The following VPS26C variants were observed in gnomAD, a reference collection of about 807,000 sequenced individuals.
The protein encoded by VPS26C is VPS26 endosomal protein sorting factor C, also known as vacuolar protein sorting-associated protein 26C.
A neutral mutation model predicts 30.6 loss-of-function variants in VPS26C; 19 were observed. The ratio of observed to expected loss-of-function variants is 0.62; its 90% CI spans 0.43 to 0.91. The LOEUF (loss-of-function observed/expected upper bound fraction) is 0.91. Ranked by LOEUF, VPS26C falls within the 40% of genes least tolerant of loss-of-function variation. The pLI is 0.00. For synonymous variants in VPS26C, 132 were observed against 151.5 expected (o/e 0.87, Z 0.95); for missense variants, 318 against 385.1 (o/e 0.83, Z 1.46).
Position 37,224,999 on chromosome 21 carries a change from ATAGAG to A in VPS26C, c.*540_*544del, listed in dbSNP as rs2085884353. On this transcript the variant is annotated 3_prime_UTR_variant, in exon 8 of 8. Transcript: ENST00000309117. ...AGAAACAAAACCAAAAAACTACAGA[ATAGAG>A]TAGGGGTGGAGGGAAGTCATGCATT... is the stretch of plus-strand genomic sequence containing the variant. The A allele has an allele frequency of 6.5e-6, 1 of 154,182 alleles. No individual in the cohort carries two copies. Among genetic ancestry groups the A allele is most frequent in the African/African-American group, 2.4e-5 (1 of 41,458 alleles). The allele number at this position is 154,182 out of a possible 1,614,324, so 9.6% of individuals were successfully genotyped here.
At chr21:37,251,903 AG>A (rs1467153990) in intron 1 of VPS26C, among the ~76,000 whole-genome samples, 3 of 152,338 alleles carry the variant, frequency 2.0e-5, no homozygotes, top group South Asian at 2.1e-4. Context: ...CACAACTGCT[AG>A]AAAAGTAAAA....
chr21:37,242,263 A>G (rs996935830), intron 1 of VPS26C, among the ~76,000 whole-genome samples: 2 of 152,260 alleles, frequency 1.3e-5, no homozygotes, highest in Non-Finnish European at 2.9e-5. Context: ...CATTAATTCT[A>G]TTAATTTTTT....
chr21:37,259,967 GA>G (rs1313125380), intron 1 of VPS26C, among the ~76,000 whole-genome samples: 9 of 152,178 alleles, frequency 5.9e-5, no homozygotes, highest in Non-Finnish European at 8.8e-5. Context: ...TGGAAGCTAG[GA>G]TAAGTGTCTT....
chr21:37,225,475 C>T lies in VPS26C; in HGVS notation c.*69G>A. 7.2e-7 allele frequency: 1 copy of T among 1,385,252 alleles called. No homozygotes were observed. The highest frequency in any genetic ancestry group is 1.7e-5 in the Admixed American group (1 of 59,372). 85.8% of individuals were successfully genotyped at this position (1,385,252 alleles called of 1,614,324 possible). On this transcript the variant is annotated 3_prime_UTR_variant, in exon 8 of 8. Coordinates refer to ENST00000309117, the MANE Select transcript of VPS26C (RefSeq NM_006052.2). ...GTATATGCCGCTGGCTGTAGCTCCC[C>T]TTAGGATTTGGATAACCAGCTGGAT...
chr21:37,259,902 C>A (rs2086286734), intron 1 of VPS26C, among the ~76,000 whole-genome samples: 1 of 152,128 alleles, frequency 6.6e-6, no homozygotes. Flanking sequence ...GACTTCGGAG[C>A]GTGGAAAAGA....
chr21:37,267,214 T>TCC, intron 1 of VPS26C, 24 bp downstream of exon 1: 1 of 457,098 alleles, frequency 2.2e-6, no homozygotes, highest in Non-Finnish European at 4.2e-6. Context: ...CCCACCTCCA[T>TCC]CCCCACCCCC....
At chr21:37,248,631 G>C (rs1179039541) in intron 1 of VPS26C, among the ~76,000 whole-genome samples, 1 of 151,082 alleles carries the variant, frequency 6.6e-6, no homozygotes, top group African/African-American at 2.4e-5. Flanking sequence ...AAACCCGACA[G>C]CTTCACAGGA....
At chr21:37,267,616 T>C (rs2148316988), upstream of VPS26C, 1 of 371,136 alleles carries the variant, frequency 2.7e-6, no homozygotes, top group South Asian at 3.5e-5. Flanking sequence ...GCTCCTTTGC[T>C]GTCCGGGTTA....
rs1266383502 is a variant in VPS26C at position 37,233,618 on chromosome 21, A to G, written c.352-176T>C. Among the ~76,000 whole-genome samples the G allele has an allele frequency of 6.6e-6, 1 of 152,264 alleles. No homozygotes were observed. Among genetic ancestry groups the G allele is most frequent in the Non-Finnish European group, 1.5e-5 (1 of 68,046 alleles). Reference sequence around the variant, plus strand: ...CATAATAGGATAGTTAATGTTCAAAATAAAGGCATTTCTGTTTTAAAAATG... The same window carrying G: ...CATAATAGGATAGTTAATGTTCAAAGTAAAGGCATTTCTGTTTTAAAAATG... On this transcript the variant is annotated intron_variant, in intron 3 of 7. Transcript: ENST00000309117. This position sits in a 1 kb window ranked among gnomAD's most constrained non-coding sequence, Gnocchi z 5.2.
At chr21:37,252,856 G>A (rs532116678) in intron 1 of VPS26C, among the ~76,000 whole-genome samples, 1 of 152,300 alleles carries the variant, frequency 6.6e-6, no homozygotes, top group Admixed American at 6.5e-5. Flanking sequence ...ATTTATGCCA[G>A]TTACGTGACA....
chr21:37,229,515 G>A (rs2085939982), intron 5 of VPS26C: 1 of 152,168 alleles, frequency 6.6e-6, no homozygotes, highest in Non-Finnish European at 1.5e-5. Context: ...AATGCAAGCT[G>A]CGAGTGGAAG....
chr21:37,247,569 C>T (rs1005060518), intron 1 of VPS26C, among the ~76,000 whole-genome samples: 1 of 152,086 alleles, frequency 6.6e-6, no homozygotes, highest in Admixed American at 6.6e-5. Flanking sequence ...CACATTCCCC[C>T]CAACCAAGCA....
In VPS26C at chr21:37,225,577, C is replaced by T. The variant is rs111365234; in HGVS notation, c.861G>A (p.Thr287=). Residue 287 remains threonine (T), a synonymous_variant, in exon 8 of 8, where the codon ACG becomes ACA. Transcript: ENST00000309117. ...VVLLHPDHLI[T]ENFPLKLCRI ...TGCAGAGCTTCAGCGGGAAGTTCTC[C>T]GTGATGAGGTGGTCAGGGTGAAGCA... is the stretch of plus-strand genomic sequence containing the variant. 1.5e-3 allele frequency: 2,449 copies of T among 1,614,122 alleles called. 25 individuals carry two copies. In the East Asian group the frequency reaches 0.022, roughly 15 times the overall value.
chr21:37,244,787 C>A (rs1289826406), intron 1 of VPS26C, among the ~76,000 whole-genome samples: 1 of 152,170 alleles, frequency 6.6e-6, no homozygotes, highest in Non-Finnish European at 1.5e-5. Context: ...GAAGTGAAGA[C>A]TGAGCAGGGG....
At chr21:37,238,201 G>T (rs1324645667) in intron 3 of VPS26C, 12 of 451,166 alleles carry the variant, frequency 2.7e-5, no homozygotes, top group Non-Finnish European at 4.3e-5. Context: ...ATGTGAGGTG[G>T]CCTGAAAAGA....
intron 6 of VPS26C, 146 bp from the exon 7 acceptor site, chr21:37,227,952 G>T: frequency 1.8e-6 from 2 of 1,132,514 alleles, no homozygotes; most frequent in Non-Finnish European, 1.2e-6. Context: ...TACTGCTAAG[G>T]CACAGCCACG....
At chr21:37,234,232 C>T (rs149328930) in intron 3 of VPS26C, among the ~76,000 whole-genome samples, 144 of 152,374 alleles carry the variant, frequency 9.5e-4, no homozygotes, top group African/African-American at 3.3e-3. Flanking sequence ...TCTGAGGTCT[C>T]TCTCCATCTG....
intron 1 of VPS26C, among the ~76,000 whole-genome samples, chr21:37,248,774 CAGAG>C (rs1342607790): frequency 3.4e-5 from 5 of 149,014 alleles, no homozygotes; most frequent in African/African-American, 1.2e-4. Context: ...TCTACACACT[CAGAG>C]AGAGAGACAG....
rs192017674 is a variant in VPS26C at position 37,249,876 on chromosome 21, A to G, written c.58-9237T>C. On this transcript the variant is annotated intron_variant, in intron 1 of 7. Transcript: ENST00000309117. Reference sequence around the variant, plus strand: ...CATGTTCAGGCTGAAAGATCAACAGAACAAAAGTCTAGAAATAGACCCAGA... The same window carrying G: ...CATGTTCAGGCTGAAAGATCAACAGGACAAAAGTCTAGAAATAGACCCAGA... 9.8e-5 allele frequency among the ~76,000 whole-genome samples: 15 copies of G among 152,382 alleles called. No individual in the cohort carries two copies. In the East Asian group the frequency reaches 2.7e-3, roughly 27 times the overall value.
Sources: allele counts gnomAD v4.1 joint callset (sites outside exome capture counted in the v4.1 genomes callset), GRCh38; gene constraint gnomAD v4.1.1; non-coding constraint Gnocchi (gnomAD v3.1); transcripts MANE v1.5; gene names NCBI Gene and HGNC (gene_info 2026-07-23, HGNC 2026-07-21).